The following VGLL3 variants were observed in gnomAD, a reference collection of about 807,000 sequenced individuals.
VGLL3 encodes transcription cofactor vestigial-like protein 3.
Under a neutral mutation model 29.2 loss-of-function variants are expected in VGLL3, and 18 were observed. The observed-to-expected ratio is 0.62, with a 90% CI of 0.43 to 0.91. VGLL3 has a LOEUF of 0.91. Ranked by LOEUF, VGLL3 falls within the 40% of genes least tolerant of loss-of-function variation. The pLI is 0.00. For synonymous variants in VGLL3, 180 were observed against 151.8 expected (o/e 1.19, Z -1.36); for missense variants, 440 against 413.2 (o/e 1.06, Z -0.56).
At chr3:86,948,661 T>G (rs577799067) in intron 3 of VGLL3, among the ~76,000 whole-genome samples, 1 of 152,316 alleles carries the variant, frequency 6.6e-6, no homozygotes, top group African/African-American at 2.4e-5. Flanking sequence ...ATTTGTGTAC[T>G]GGGAACAAAC....
Position 86,942,244 on chromosome 3 carries a change from A to C in VGLL3, c.*4780T>G, listed in dbSNP as rs1704414602. 6.6e-6 allele frequency: 1 copy of C among 152,120 alleles called. No homozygotes were observed. Among genetic ancestry groups the C allele is most frequent in the African/African-American group, 2.4e-5 (1 of 41,434 alleles). The allele number at this position is 152,120 out of a possible 1,614,324, so 9.4% of individuals were successfully genotyped here. A position where few individuals can be genotyped will look rare whatever the true frequency, so the allele number is the denominator to read the frequency against. On this transcript the variant is annotated 3_prime_UTR_variant, in exon 4 of 4. Coordinates refer to ENST00000398399, the MANE Select transcript of VGLL3 (RefSeq NM_016206.4). Reference sequence around the variant, plus strand: ...GCTGATTTCATTTCTGATCCCATACAGTTTCTGCTGTCTTTCCCTTGGCTG... The same window carrying C: ...GCTGATTTCATTTCTGATCCCATACCGTTTCTGCTGTCTTTCCCTTGGCTG...
chr3:86,975,329 T>A (rs1705185331), intron 2 of VGLL3, among the ~76,000 whole-genome samples: 2 of 152,218 alleles, frequency 1.3e-5, no homozygotes, highest in African/African-American at 4.8e-5. Flanking sequence ...TTTTTAATTA[T>A]CGTTTGTGGC....
chr3:86,941,749 A>G lies in VGLL3; in HGVS notation c.*5275T>C, dbSNP rs969320532. 6.6e-6 allele frequency: 1 copy of G among 152,164 alleles called. No homozygotes were observed. The highest frequency in any genetic ancestry group is 1.5e-5 in the Non-Finnish European group (1 of 68,018). The allele number at this position is 152,164 out of a possible 1,614,324, so 9.4% of individuals were successfully genotyped here. The stretch of plus-strand genomic sequence containing the variant: ...AATAATGACGATTTCTGTAGGTTGT[A>G]AAAGTGTACATGGTGCAATTCCCAG... On this transcript the variant is annotated 3_prime_UTR_variant, in exon 4 of 4. Coordinates refer to ENST00000398399, the MANE Select transcript of VGLL3 (RefSeq NM_016206.4).
rs1704315119 is a variant in VGLL3 at position 86,938,146 on chromosome 3, A to G, written c.*8878T>C. ...TAACGATATTTTCCCAGACTTACTGAGTTATAATTGACACATAAAAGTTAT... is the reference window on the plus strand; with the variant it reads ...TAACGATATTTTCCCAGACTTACTGGGTTATAATTGACACATAAAAGTTAT... On this transcript the variant is annotated 3_prime_UTR_variant, in exon 4 of 4. Coordinates refer to ENST00000398399, the MANE Select transcript of VGLL3 (RefSeq NM_016206.4). 6.6e-6 allele frequency: 1 copy of G among 152,184 alleles called. No homozygotes were observed. The highest frequency in any genetic ancestry group is 2.4e-5 in the African/African-American group (1 of 41,438). The allele number at this position is 152,184 out of a possible 1,614,324, so 9.4% of individuals were successfully genotyped here. A position where few individuals can be genotyped will look rare whatever the true frequency, so the allele number is the denominator to read the frequency against.
At chr3:86,984,078 A>C (rs971124010) in intron 1 of VGLL3, among the ~76,000 whole-genome samples, 1 of 152,258 alleles carries the variant, frequency 6.6e-6, no homozygotes, top group African/African-American at 2.4e-5. Flanking sequence ...TAACTAGGAC[A>C]GTCTAAAATT....
intron 3 of VGLL3, chr3:86,962,155 G>A: frequency 1.0e-6 from 1 of 985,308 alleles, no homozygotes; most frequent in African/African-American, 1.7e-5. Context: ...ACAGCCTCTT[G>A]GTAAAGATGA....
At position 86,990,251 on chromosome 3, in the gene VGLL3, C is replaced by T. The variant is rs76559779; in HGVS notation, c.126+367G>A. On this transcript the variant is annotated intron_variant, in intron 1 of 3. Coordinates refer to ENST00000398399, the MANE Select transcript of VGLL3 (RefSeq NM_016206.4). The stretch of plus-strand genomic sequence containing the variant: ...CTCATCAATAAAACCCTGAAACATT[C>T]CATCTTTCCAAATAAACAAAATAGT... 1.3e-4 allele frequency: 119 copies of T among 951,604 alleles called. 3 individuals carry two copies. The East Asian group carries it at 0.013, about 106-fold the overall frequency. The allele number at this position is 951,604 out of a possible 1,614,324, so 58.9% of individuals were successfully genotyped here.
In VGLL3 at chr3:86,940,792, GA is replaced by G. The variant is rs549528180; in HGVS notation, c.*6231del. On this transcript the variant is annotated 3_prime_UTR_variant, in exon 4 of 4. Coordinates refer to ENST00000398399, the MANE Select transcript of VGLL3 (RefSeq NM_016206.4). ...ATGTTTTCCCAACCCCACAAAAACA[GA>G]AAAAAATATATAATTTTATAATTAT... 2 of 151,594 alleles carry G rather than the reference GA, an allele frequency of 1.3e-5. No individual in the cohort carries two copies. Among genetic ancestry groups the G allele is most frequent in the Non-Finnish European group, 3.0e-5 (2 of 67,764 alleles). 9.4% of individuals were successfully genotyped at this position (151,594 alleles called of 1,614,324 possible).
chr3:86,962,430 C>T (rs1704872037), intron 3 of VGLL3: 1 of 985,382 alleles, frequency 1.0e-6, no homozygotes, highest in Non-Finnish European at 1.2e-6. Context: ...CTCACCACCA[C>T]TCAGCCCTTC....
chr3:86,959,113 C>T (rs1704784177), intron 3 of VGLL3, among the ~76,000 whole-genome samples: 1 of 152,070 alleles, frequency 6.6e-6, no homozygotes, highest in African/African-American at 2.4e-5. Context: ...TTCTAACTAT[C>T]CTAGCTGAGA....
chr3:86,959,954 C>T (rs1053676039), intron 3 of VGLL3, among the ~76,000 whole-genome samples: 1 of 152,044 alleles, frequency 6.6e-6, no homozygotes, highest in African/African-American at 2.4e-5. Flanking sequence ...ATAGATCTAT[C>T]TCTCTTTCAT....
intron 1 of VGLL3, among the ~76,000 whole-genome samples, chr3:86,983,137 G>T (rs1012922892): frequency 6.6e-6 from 1 of 152,118 alleles, no homozygotes; most frequent in Non-Finnish European, 1.5e-5. Flanking sequence ...AATGATTACC[G>T]TGCATATGTG....
At chr3:86,972,977 T>C (rs1396638449) in intron 2 of VGLL3, among the ~76,000 whole-genome samples, 1 of 152,148 alleles carries the variant, frequency 6.6e-6, no homozygotes, top group African/African-American at 2.4e-5. Context: ...AATCTCACTA[T>C]CTGATTTAGA....
chr3:86,974,364 C>G (rs1052481566), intron 2 of VGLL3, among the ~76,000 whole-genome samples: 1 of 152,110 alleles, frequency 6.6e-6, no homozygotes, highest in African/African-American at 2.4e-5. Flanking sequence ...GGTGAACTGC[C>G]CGGCCGCGGC....
intron 3 of VGLL3, among the ~76,000 whole-genome samples, chr3:86,951,875 C>A (rs916845359): frequency 6.6e-6 from 1 of 152,022 alleles, no homozygotes; most frequent in Non-Finnish European, 1.5e-5. Context: ...CCCAGATGAG[C>A]GTCTTGCAGG....
chr3:86,982,976 T>C (rs1705360057), intron 1 of VGLL3, among the ~76,000 whole-genome samples: 1 of 152,232 alleles, frequency 6.6e-6, no homozygotes, highest in East Asian at 1.9e-4. Flanking sequence ...ACAGACCATA[T>C]CCAACCACCA....
At chr3:86,982,990 T>G (rs1382985388) in intron 1 of VGLL3, among the ~76,000 whole-genome samples, 1 of 152,178 alleles carries the variant, frequency 6.6e-6, no homozygotes, top group Non-Finnish European at 1.5e-5. Flanking sequence ...ACCACCACAC[T>G]GCTTGCCATT....
chr3:86,988,997 T>C (rs911797958), intron 1 of VGLL3, among the ~76,000 whole-genome samples: 7 of 152,182 alleles, frequency 4.6e-5, no homozygotes, highest in African/African-American at 1.7e-4. Flanking sequence ...AAACATTATA[T>C]AAAGTACTGG....
At chr3:86,962,634 T>C in intron 3 of VGLL3, 1 of 907,596 alleles carries the variant, frequency 1.1e-6, no homozygotes, top group Non-Finnish European at 1.3e-6. Flanking sequence ...AATATAGAAA[T>C]ACATAAAATA....
Sources: allele counts gnomAD v4.1 joint callset (sites outside exome capture counted in the v4.1 genomes callset), GRCh38; gene constraint gnomAD v4.1.1; transcripts MANE v1.5; gene names NCBI Gene and HGNC (gene_info 2026-07-23, HGNC 2026-07-21).